The following ACYP2 variants were observed in gnomAD, a reference collection of about 807,000 sequenced individuals.
ACYP2 encodes acylphosphatase 2, also known as acylphosphatase-2.
In ACYP2, 12 loss-of-function variants were observed where a neutral mutation model predicts 11.2. The ratio of observed to expected loss-of-function variants is 1.08; its 90% CI spans 0.69 to 1.74. The LOEUF is 1.74. ACYP2 is among the 40% of genes most tolerant of loss of function. ACYP2 has a pLI of 0.00. For missense variants in ACYP2, 134 were observed against 101.9 expected, an observed-to-expected ratio of 1.31 and a Z score of -1.35; for synonymous variants, 43 against 32.2, an observed-to-expected ratio of 1.33 and a Z score of -1.13.
chr2:54,095,151 C>T (rs961606716), intron 4 of ACYP2, among the ~76,000 whole-genome samples: 2 of 152,006 alleles, frequency 1.3e-5, no homozygotes, highest in Admixed American at 6.6e-5. Context: ...GCCCTTAATC[C>T]ATTTAACCCT....
intron 2 of ACYP2, among the ~76,000 whole-genome samples, chr2:54,043,069 T>G (rs986513845): frequency 1.8e-4 from 27 of 146,844 alleles, no homozygotes; most frequent in South Asian, 1.5e-3. Context: ...GGGGTGTGTG[T>G]GGGGTGTGTG....
At chr2:54,163,752 A>G (rs1682831165) in intron 6 of ACYP2, among the ~76,000 whole-genome samples, 1 of 152,058 alleles carries the variant, frequency 6.6e-6, no homozygotes, top group African/African-American at 2.4e-5. Flanking sequence ...GCTACTAGGG[A>G]GGCTGAGGCA....
At chr2:54,188,592 A>G (rs1018660911) in intron 6 of ACYP2, among the ~76,000 whole-genome samples, 1 of 152,198 alleles carries the variant, frequency 6.6e-6, no homozygotes, top group Non-Finnish European at 1.5e-5. Context: ...TGGGTATAGA[A>G]TTTTTTATGT....
chr2:54,005,912 TG>T (rs1424529398), intron 2 of ACYP2, among the ~76,000 whole-genome samples: 1 of 152,218 alleles, frequency 6.6e-6, no homozygotes, highest in African/African-American at 2.4e-5. Flanking sequence ...TAGATCAAGT[TG>T]GAAAGAACTG....
At chr2:54,252,926 T>C (rs901421208) in intron 6 of ACYP2, among the ~76,000 whole-genome samples, 5 of 149,526 alleles carry the variant, frequency 3.3e-5, no homozygotes, top group African/African-American at 1.2e-4. Context: ...AATATGCCAA[T>C]GGTATAATTC....
At position 54,255,591 on chromosome 2, in the gene ACYP2, T is replaced by TGCCTCC. The variant is rs781086080; in HGVS notation, c.405-49096_405-49091dup. 56 of 1,612,426 alleles carry TGCCTCC rather than the reference T, an allele frequency of 3.5e-5. No homozygotes were observed. In the East Asian group the frequency reaches 1.2e-3, roughly 35 times the overall value. On this transcript the variant is annotated intron_variant, in intron 6 of 6. Transcript: ENST00000607452. ...GGGGCCCGGGCCCGGGCCCAGGCCCTGCCTCCCTGTTTACCTCATCTATTG... is the reference window on the plus strand; with the variant it reads ...GGGGCCCGGGCCCGGGCCCAGGCCCTGCCTCCGCCTCCCTGTTTACCTCATCTATTG...
chr2:54,070,898 ATTTGTTTG>A (rs112798436), intron 4 of ACYP2, among the ~76,000 whole-genome samples: 44 of 150,278 alleles, frequency 2.9e-4, no homozygotes, highest in Middle Eastern at 3.4e-3. Flanking sequence ...ACACCCAGCT[ATTTGTTTG>A]TTTGTTTGTT....
At chr2:54,249,940 C>CAA (rs1015312135) in intron 6 of ACYP2, among the ~76,000 whole-genome samples, 51 of 44,428 alleles carry the variant, frequency 1.1e-3, no homozygotes, top group Middle Eastern at 0.016. Flanking sequence ...GACCCTGTCT[C>CAA]AAAAAAAAAA....
At chr2:54,061,041 G>A (rs1252887463) in intron 4 of ACYP2, among the ~76,000 whole-genome samples, 1 of 151,726 alleles carries the variant, frequency 6.6e-6, no homozygotes, top group African/African-American at 2.4e-5. Context: ...TTTTCATAGA[G>A]GCATGGTCTC....
intron 4 of ACYP2, among the ~76,000 whole-genome samples, chr2:54,086,331 A>G (rs1677946012): frequency 6.6e-6 from 1 of 152,172 alleles, no homozygotes; most frequent in Non-Finnish European, 1.5e-5. Context: ...GTTATTGATT[A>G]GTTCAGGCCT....
chr2:54,233,199 T>C (rs1686318887), intron 6 of ACYP2, among the ~76,000 whole-genome samples: 1 of 152,180 alleles, frequency 6.6e-6, no homozygotes, highest in African/African-American at 2.4e-5. Flanking sequence ...TATAATAAAC[T>C]GCACATATTT....
intron 4 of ACYP2, among the ~76,000 whole-genome samples, chr2:54,094,154 A>G (rs544396257): frequency 6.6e-6 from 1 of 152,238 alleles, no homozygotes; most frequent in East Asian, 1.9e-4. Flanking sequence ...TGAAGGCAGG[A>G]TCACTCATGG....
At chr2:54,022,078 T>C (rs922435243) in intron 2 of ACYP2, among the ~76,000 whole-genome samples, 6 of 152,212 alleles carry the variant, frequency 3.9e-5, no homozygotes, top group African/African-American at 1.4e-4. Context: ...TTCAAATCTA[T>C]AGAAAAGTTG....
At chr2:54,069,391 G>C (rs377212115) in intron 4 of ACYP2, among the ~76,000 whole-genome samples, 1 of 152,110 alleles carries the variant, frequency 6.6e-6, no homozygotes, top group African/African-American at 2.4e-5. Context: ...GGCTGGGCAC[G>C]GTGGCTCATG....
At chr2:54,278,642 G>A (rs553914881) in intron 6 of ACYP2, among the ~76,000 whole-genome samples, 3 of 152,204 alleles carry the variant, frequency 2.0e-5, no homozygotes, top group Admixed American at 6.5e-5. Context: ...ACAGTTTGCC[G>A]ATTCTGCTTT....
chr2:54,255,636 G>T (rs375383770), intron 6 of ACYP2: 4 of 1,613,406 alleles, frequency 2.5e-6, no homozygotes, highest in Non-Finnish European at 2.5e-6. Context: ...CTTCCGCCAC[G>T]TCCATTTCTT....
intron 6 of ACYP2, among the ~76,000 whole-genome samples, chr2:54,199,552 A>C (rs1684666083): frequency 6.6e-6 from 1 of 152,202 alleles, no homozygotes; most frequent in Admixed American, 6.5e-5. Context: ...AGAAAAACAA[A>C]GTGTTGAGTA....
intron 6 of ACYP2, among the ~76,000 whole-genome samples, chr2:54,191,415 GCTGA>G (rs1684234236): frequency 1.3e-5 from 2 of 152,074 alleles, no homozygotes; most frequent in African/African-American, 4.8e-5. Flanking sequence ...TGCTCTTCCC[GCTGA>G]CATGCAGTAG....
At chr2:54,004,453 C>T (rs1672954527) in intron 2 of ACYP2, among the ~76,000 whole-genome samples, 1 of 143,242 alleles carries the variant, frequency 7.0e-6, no homozygotes, top group Admixed American at 7.2e-5. Flanking sequence ...CTCTATCGCC[C>T]AGGCTGGAGT....
Sources: gnomAD v4.1 joint callset for allele counts (sites outside exome capture counted in the v4.1 genomes callset) on GRCh38, gnomAD v4.1.1 for gene constraint, MANE v1.5 for transcripts, NCBI Gene and HGNC (gene_info 2026-07-23, HGNC 2026-07-21) for gene names.